The following DUSP29 variants were observed in gnomAD, a reference collection of about 807,000 sequenced individuals.
DUSP29 encodes the protein atypical dual-specific protein phosphatase.
Under a neutral mutation model 13.5 loss-of-function variants are expected in DUSP29, and 12 were observed. That is an observed-to-expected ratio of 0.89 (90% CI 0.57 to 1.44). The LOEUF (loss-of-function observed/expected upper bound fraction) is 1.44, where lower values mean the gene tolerates loss of function less well. DUSP29 is among the 40% of genes most tolerant of loss of function. DUSP29 has a pLI of 0.00. For synonymous variants in DUSP29, 134 were observed against 128.7 expected, an observed-to-expected ratio of 1.04 and a Z score of -0.28; for missense variants, 308 against 301.1, an observed-to-expected ratio of 1.02 and a Z score of -0.17.
intron 1 of DUSP29, among the ~76,000 whole-genome samples, chr10:75,072,034 C>T (rs1368462203): frequency 6.6e-6 from 1 of 152,190 alleles, no homozygotes; most frequent in African/African-American, 2.4e-5. Flanking sequence ...GGCCCAACTC[C>T]AGGGAAAAAC....
chr10:75,042,466 G>A (rs1040072101), intron 3 of DUSP29, among the ~76,000 whole-genome samples: 1 of 152,222 alleles, frequency 6.6e-6, no homozygotes, highest in Non-Finnish European at 1.5e-5. Flanking sequence ...CAGTTCAGTT[G>A]TGTTTTTGAT....
chr10:75,058,673 G>A (rs1295232675), intron 1 of DUSP29, among the ~76,000 whole-genome samples, 125 bp from the exon 2 acceptor site: 2 of 152,174 alleles, frequency 1.3e-5, no homozygotes, highest in African/African-American at 4.8e-5. Flanking sequence ...AACCTGCTAT[G>A]CCCCGGCTTC....
intron 3 of DUSP29, among the ~76,000 whole-genome samples, chr10:75,040,230 A>G (rs1210925907): frequency 6.6e-6 from 1 of 152,228 alleles, no homozygotes; most frequent in Non-Finnish European, 1.5e-5. Context: ...AAAGCTTATT[A>G]GAAGCACCAG....
intron 2 of DUSP29, among the ~76,000 whole-genome samples, chr10:75,049,598 G>A (rs1384605454): frequency 2.0e-5 from 3 of 152,176 alleles, no homozygotes; most frequent in African/African-American, 4.8e-5. Context: ...TTCAGGTAAC[G>A]CCCAGCATGT....
intron 1 of DUSP29, among the ~76,000 whole-genome samples, chr10:75,066,872 G>A (rs937758511): frequency 2.6e-5 from 4 of 152,184 alleles, no homozygotes; most frequent in African/African-American, 4.8e-5. Flanking sequence ...CATCCTAGCC[G>A]CCTGTGCCTC....
chr10:75,069,254 C>A (rs1847269208), intron 1 of DUSP29, among the ~76,000 whole-genome samples: 1 of 152,186 alleles, frequency 6.6e-6, no homozygotes, highest in African/African-American at 2.4e-5. Context: ...CACTCAGCTT[C>A]CTTCTCAGAC....
At chr10:75,061,911 G>A (rs1418926752) in intron 1 of DUSP29, among the ~76,000 whole-genome samples, 2 of 152,214 alleles carry the variant, frequency 1.3e-5, no homozygotes, top group Non-Finnish European at 2.9e-5. Flanking sequence ...GCCTGTGCAA[G>A]GGGCTCAGCA....
At chr10:75,055,742 A>G (rs1330832811) in intron 2 of DUSP29, among the ~76,000 whole-genome samples, 1 of 152,240 alleles carries the variant, frequency 6.6e-6, no homozygotes, top group Non-Finnish European at 1.5e-5. Context: ...TTTATGGTCT[A>G]TGAATTATTT....
intron 2 of DUSP29, among the ~76,000 whole-genome samples, chr10:75,052,321 T>G (rs1846851541): frequency 7.0e-6 from 1 of 143,726 alleles, no homozygotes; most frequent in Non-Finnish European, 1.5e-5. Context: ...TTTTTTTTTT[T>G]TCTTGAGACG....
At position 75,044,903 on chromosome 10, in the gene DUSP29, G is replaced by C. The variant is rs761332421; in HGVS notation, c.201-886C>G. 6.6e-5 allele frequency among the ~76,000 whole-genome samples: 10 copies of C among 152,292 alleles called. No homozygotes were observed. The East Asian group carries it at 1.7e-3, about 26-fold the overall frequency. ...TGGAGGGGAAGAAGGAGGCAAGCGC[G>C]GGCCAAGCCAAGGAAACAGCACCAC... is the stretch of plus-strand genomic sequence containing the variant. On this transcript the variant is annotated intron_variant, in intron 2 of 3. Coordinates refer to ENST00000338487, the MANE Select transcript of DUSP29 (RefSeq NM_001003892.3).
chr10:75,067,485 T>C (rs1311251373), intron 1 of DUSP29, among the ~76,000 whole-genome samples: 1 of 152,168 alleles, frequency 6.6e-6, no homozygotes, highest in Non-Finnish European at 1.5e-5. Flanking sequence ...CTAACTCAGC[T>C]GACATGGGGG....
rs1847059725 is a variant in DUSP29 at position 75,060,337 on chromosome 10, G to A, written c.-34-1789C>T. ...ATGCAAAAATTAGCTGGGTGTGGTGGTGCATGCCTGTAGTCCCAGCTACTC... is the reference window on the plus strand; with the variant it reads ...ATGCAAAAATTAGCTGGGTGTGGTGATGCATGCCTGTAGTCCCAGCTACTC... On this transcript the variant is annotated intron_variant, in intron 1 of 3. Coordinates refer to ENST00000338487, the MANE Select transcript of DUSP29 (RefSeq NM_001003892.3). Among the ~76,000 whole-genome samples, 3 of 152,162 alleles carry A rather than the reference G, an allele frequency of 2.0e-5. No homozygotes were observed. In the South Asian group the frequency reaches 6.2e-4, roughly 32 times the overall value.
At chr10:75,071,240 T>C (rs1489549599) in intron 1 of DUSP29, among the ~76,000 whole-genome samples, 4 of 152,240 alleles carry the variant, frequency 2.6e-5, no homozygotes, top group Non-Finnish European at 5.9e-5. Context: ...ATTAAGCTGC[T>C]GCAATTCTGA....
At chr10:75,063,745 G>GGT (rs1847137813) in intron 1 of DUSP29, among the ~76,000 whole-genome samples, 2 of 152,006 alleles carry the variant, frequency 1.3e-5, no homozygotes, top group African/African-American at 4.8e-5. Context: ...TCTAGTCTCA[G>GGT]AGTGTGCTTT....
At chr10:75,059,528 T>C (rs1317769877) in intron 1 of DUSP29, among the ~76,000 whole-genome samples, 1 of 152,198 alleles carries the variant, frequency 6.6e-6, no homozygotes, top group Non-Finnish European at 1.5e-5. Flanking sequence ...TTGATGATTG[T>C]AAGCCCATTT....
At chr10:75,044,523 G>C (rs1458251511) in intron 2 of DUSP29, among the ~76,000 whole-genome samples, 6 of 152,190 alleles carry the variant, frequency 3.9e-5, no homozygotes, top group Non-Finnish European at 8.8e-5. Flanking sequence ...ACAAATTCAC[G>C]TTGGCACGAT....
At chr10:75,043,766 G>A in intron 3 of DUSP29, 31 bp downstream of exon 3, 1 of 1,512,944 alleles carries the variant, frequency 6.6e-7, no homozygotes, top group Non-Finnish European at 8.9e-7. Context: ...GCGGGGCGGG[G>A]CCGATCGGGG....
intron 1 of DUSP29, among the ~76,000 whole-genome samples, chr10:75,070,448 C>T (rs562133517): frequency 1.3e-5 from 2 of 152,314 alleles, no homozygotes; most frequent in African/African-American, 2.4e-5. Flanking sequence ...ACCTGGGCTT[C>T]GGCTTCCTCA....
intron 2 of DUSP29, among the ~76,000 whole-genome samples, chr10:75,044,323 G>C (rs1301257776): frequency 6.6e-6 from 1 of 152,048 alleles, no homozygotes; most frequent in Non-Finnish European, 1.5e-5. Context: ...TGGCCTCTAC[G>C]GTGGTCGCAG....
Sources: allele counts gnomAD v4.1 joint callset (sites outside exome capture counted in the v4.1 genomes callset), GRCh38; gene constraint gnomAD v4.1.1; transcripts MANE v1.5; gene names NCBI Gene and HGNC (gene_info 2026-07-23, HGNC 2026-07-21).